Variants in LRRC49 observed in about 807,000 individuals in gnomAD.
LRRC49 encodes leucine-rich repeat-containing protein 49.
LRRC49 carries 50 observed loss-of-function variants against 83.3 expected under a neutral mutation model. The ratio of observed to expected loss-of-function variants is 0.60; its 90% CI spans 0.48 to 0.76. LRRC49 has a LOEUF of 0.76. Ranked by LOEUF, LRRC49 falls within the 30% of genes least tolerant of loss-of-function variation. The pLI is 0.00. For synonymous variants in LRRC49, 286 were observed against 283.3 expected (o/e 1.01, Z -0.10); for missense variants, 704 against 809.1 (o/e 0.87, Z 1.58).
chr15:70,991,325 T>C (rs1431416011), intron 11 of LRRC49, among the ~76,000 whole-genome samples: 1 of 152,194 alleles, frequency 6.6e-6, no homozygotes, highest in Non-Finnish European at 1.5e-5. Context: ...GCATGTATAA[T>C]TTAAATATAT....
upstream of LRRC49, among the ~76,000 whole-genome samples, chr15:70,889,616 G>A (rs2033501873): frequency 6.6e-6 from 1 of 152,188 alleles, no homozygotes; most frequent in African/African-American, 2.4e-5. Flanking sequence ...AAAATTAACA[G>A]TTAAGGGAAA....
intron 1 of LRRC49, among the ~76,000 whole-genome samples, chr15:70,866,877 A>T (rs11072229): frequency 6.6e-6 from 1 of 151,450 alleles, no homozygotes; most frequent in South Asian, 2.1e-4. Context: ...CCAAGTAGAG[A>T]TTGGGGTTGG....
chr15:70,906,090 T>A (rs1382214733), intron 5 of LRRC49, among the ~76,000 whole-genome samples: 1 of 150,050 alleles, frequency 6.7e-6, no homozygotes, highest in Non-Finnish European at 1.5e-5. Context: ...CTCCCTCCAT[T>A]TTTTTTTCTT....
intron 14 of LRRC49, among the ~76,000 whole-genome samples, chr15:71,035,077 A>AT (rs760219488): frequency 1.9e-3 from 283 of 152,190 alleles, no homozygotes; most frequent in South Asian, 3.7e-3. Flanking sequence ...TATGTTACTC[A>AT]TTTTTTTCTT....
In LRRC49 at chr15:71,008,518, A is replaced by G; in HGVS notation, c.1309A>G (p.Thr437Ala). 1 of 1,612,858 alleles carries G rather than the reference A, an allele frequency of 6.2e-7. No homozygotes were observed. Among genetic ancestry groups the G allele is most frequent in the Non-Finnish European group, 8.5e-7 (1 of 1,179,204 alleles). ...ESLDRNWSVQ[T>A]AGMITTVSFT... ...TCTGGATAGGAATTGGAGTGTTCAA[A>G]CAGCAGGAATGATCACAACAGTCTC... is the stretch of plus-strand genomic sequence containing the variant. The change falls in exon 12 of 16, where the codon ACA becomes GCA. Residue 437 changes from threonine (T) to alanine (A), a missense_variant. Transcript: ENST00000260382.
intron 1 of LRRC49, among the ~76,000 whole-genome samples, chr15:70,857,278 T>G (rs981816057): frequency 6.6e-6 from 1 of 152,146 alleles, no homozygotes; most frequent in African/African-American, 2.4e-5. Flanking sequence ...TTTTTGAGTG[T>G]GCCTGGCACT....
intron 3 of LRRC49, 34 bp downstream of exon 3, chr15:70,895,970 A>T: frequency 1.6e-6 from 2 of 1,218,442 alleles, no homozygotes; most frequent in East Asian, 2.4e-5. Flanking sequence ...GATGTGGTTC[A>T]TCATCTTTGA....
chr15:70,985,017 T>C (rs1249538365), intron 11 of LRRC49, among the ~76,000 whole-genome samples: 3 of 135,364 alleles, frequency 2.2e-5, no homozygotes, highest in African/African-American at 8.3e-5. Flanking sequence ...ATTTTCTTAA[T>C]CCAGTCTATC....
At chr15:70,858,929 G>A in intron 1 of LRRC49, 3 of 787,446 alleles carry the variant, frequency 3.8e-6, no homozygotes, top group Non-Finnish European at 6.9e-6. Flanking sequence ...ACCAGAGCCT[G>A]CTGAGCCCTC....
chr15:71,018,758 G>T (rs2038905967), intron 14 of LRRC49, among the ~76,000 whole-genome samples: 1 of 152,004 alleles, frequency 6.6e-6, no homozygotes, highest in Non-Finnish European at 1.5e-5. Flanking sequence ...CCACAAGACG[G>T]CTCCTCCCCA....
intron 15 of LRRC49, among the ~76,000 whole-genome samples, chr15:71,037,866 T>C (rs375281061): frequency 3.5e-4 from 53 of 152,290 alleles, no homozygotes; most frequent in Middle Eastern, 6.8e-3. Context: ...AACTAAACCT[T>C]TATGTTTTAT....
At chr15:70,892,741 A>G (rs2033635812), upstream of LRRC49, 1 of 1,527,068 alleles carries the variant, frequency 6.5e-7, no homozygotes, top group Non-Finnish European at 8.8e-7. Context: ...GTGTGGCTCT[A>G]TCGATTCGGG....
chr15:70,972,433 A>C (rs2037041883), intron 9 of LRRC49, among the ~76,000 whole-genome samples: 1 of 152,060 alleles, frequency 6.6e-6, no homozygotes, highest in Non-Finnish European at 1.5e-5. Flanking sequence ...CCTTCATTTC[A>C]ACCTTGGTGT....
intron 11 of LRRC49, among the ~76,000 whole-genome samples, chr15:71,002,059 A>G (rs1204452331): frequency 1.3e-5 from 2 of 152,126 alleles, no homozygotes; most frequent in Admixed American, 6.6e-5. Flanking sequence ...ATATTTCTAC[A>G]TTTTCTGTAA....
chr15:70,943,907 A>G (rs2035912942), intron 8 of LRRC49, among the ~76,000 whole-genome samples: 1 of 152,178 alleles, frequency 6.6e-6, no homozygotes, highest in African/African-American at 2.4e-5. Context: ...GGGTCGCCTG[A>G]CATTCCTGGT....
intron 8 of LRRC49, among the ~76,000 whole-genome samples, chr15:70,954,732 A>AACTC (rs979686012): frequency 4.0e-5 from 6 of 151,324 alleles, no homozygotes; most frequent in Non-Finnish European, 7.4e-5. Context: ...TGCATGCTCT[A>AACTC]ACCCTGTGGG....
At chr15:70,921,401 C>G (rs895172568) in intron 7 of LRRC49, among the ~76,000 whole-genome samples, 4 of 152,208 alleles carry the variant, frequency 2.6e-5, no homozygotes, top group African/African-American at 7.2e-5. Context: ...TCCTTAGGCT[C>G]TAGCTGAGGA....
intron 7 of LRRC49, among the ~76,000 whole-genome samples, chr15:70,935,874 C>T (rs1325875818): frequency 6.6e-6 from 1 of 152,046 alleles, no homozygotes; most frequent in East Asian, 1.9e-4. Context: ...CCTTATTCTC[C>T]CCCTGTAGTA....
At chr15:70,975,407 A>G (rs1408889171) in intron 9 of LRRC49, among the ~76,000 whole-genome samples, 1 of 152,142 alleles carries the variant, frequency 6.6e-6, no homozygotes, top group Non-Finnish European at 1.5e-5. Context: ...CAATTCTGAA[A>G]CAGGGTTGGG....
Sources: allele counts gnomAD v4.1 joint callset (sites outside exome capture counted in the v4.1 genomes callset), GRCh38; gene constraint gnomAD v4.1.1; transcripts MANE v1.5; gene names NCBI Gene and HGNC (gene_info 2026-07-23, HGNC 2026-07-21).